The following AFG1L variants were observed in gnomAD, a reference collection of about 807,000 sequenced individuals.
AFG1L encodes AFG1 like ATPase.
Under a neutral mutation model 62.2 loss-of-function variants are expected in AFG1L, and 53 were observed. The observed-to-expected ratio is 0.85, with a 90% CI of 0.68 to 1.07. AFG1L has a LOEUF of 1.07. Among genes scored for constraint, AFG1L ranks in the 50% least tolerant of loss-of-function variants. AFG1L has a pLI of 0.00. For missense variants in AFG1L, 555 were observed against 590.5 expected (o/e 0.94, Z 0.62); for synonymous variants, 228 against 210.3 (o/e 1.08, Z -0.73).
intron 10 of AFG1L, among the ~76,000 whole-genome samples, chr6:108,500,431 C>T (rs1774149590): frequency 6.6e-6 from 1 of 152,108 alleles, no homozygotes. Flanking sequence ...CTGTGTATCA[C>T]ACAAAGGATA....
At chr6:108,474,928 AT>A (rs1366463999) in intron 8 of AFG1L, among the ~76,000 whole-genome samples, 1 of 152,144 alleles carries the variant, frequency 6.6e-6, no homozygotes, top group Non-Finnish European at 1.5e-5. Context: ...CTTCATTGCA[AT>A]TGCTTTTGGT....
At chr6:108,456,188 C>A (rs1213088243) in intron 8 of AFG1L, among the ~76,000 whole-genome samples, 2 of 151,946 alleles carry the variant, frequency 1.3e-5, no homozygotes, top group Non-Finnish European at 2.9e-5. Context: ...ATGAAATGAA[C>A]CTCATTATTC....
rs368238501 is a variant in AFG1L at position 108,476,895 on chromosome 6, G to A, written c.921G>A (p.Met307Ile). 1.4e-5 allele frequency: 22 copies of A among 1,613,922 alleles called. No individual in the cohort carries two copies. The African/African-American group carries it at 2.7e-4, about 20-fold the overall frequency. ...GTGAAGCTGATGTGGAGGCTGTCATGGATAAGTTGTTTGATGAGCTGGCTC... is the reference window on the plus strand; with the variant it reads ...GTGAAGCTGATGTGGAGGCTGTCATAGATAAGTTGTTTGATGAGCTGGCTC... ...LTSEADVEAV[M>I]DKLFDELAQK... Residue 307 changes from methionine to isoleucine, a missense_variant, in exon 9 of 13, where the codon ATG becomes ATA. Transcript: ENST00000368977.
chr6:108,498,395 T>G (rs1300388283), intron 10 of AFG1L, among the ~76,000 whole-genome samples: 3 of 152,230 alleles, frequency 2.0e-5, no homozygotes, highest in Non-Finnish European at 4.4e-5. Flanking sequence ...TATCATAATT[T>G]AGTTCTAGAG....
intron 2 of AFG1L, among the ~76,000 whole-genome samples, chr6:108,340,575 G>T (rs924349528): frequency 1.3e-5 from 2 of 152,008 alleles, no homozygotes; most frequent in Non-Finnish European, 2.9e-5. Flanking sequence ...ATGTTGGTCA[G>T]GCTGGTCTCG....
At chr6:108,323,754 C>A in intron 1 of AFG1L, 71 bp from the exon 2 acceptor site, 1 of 1,089,194 alleles carries the variant, frequency 9.2e-7, no homozygotes, top group Non-Finnish European at 1.4e-6. Context: ...TGAATTTGAC[C>A]CTTAAGAAAT....
chr6:108,447,096 A>G (rs991921338), intron 7 of AFG1L, 118 bp from the exon 8 acceptor site: 11 of 460,034 alleles, frequency 2.4e-5, no homozygotes, highest in African/African-American at 2.2e-4. Context: ...TTGTCATCTC[A>G]TTATATTAGT....
intron 1 of AFG1L, among the ~76,000 whole-genome samples, chr6:108,300,408 C>T (rs1235347232): frequency 1.3e-5 from 2 of 152,078 alleles, no homozygotes; most frequent in African/African-American, 2.4e-5. Flanking sequence ...CAACTTGGAC[C>T]CCCAAAGTGC....
chr6:108,344,162 G>C (rs1299126504), intron 2 of AFG1L, among the ~76,000 whole-genome samples: 1 of 152,136 alleles, frequency 6.6e-6, no homozygotes, highest in Non-Finnish European at 1.5e-5. Flanking sequence ...TGCCCAGGCT[G>C]GGTGCAGTGG....
At chr6:108,297,858 CAAAAA>C (rs774320900) in intron 1 of AFG1L, among the ~76,000 whole-genome samples, 1 of 45,124 alleles carries the variant, frequency 2.2e-5, no homozygotes. Context: ...GAACCTGTCT[CAAAAA>C]AAAAAAAAAA....
chr6:108,353,457 G>C (rs1365830029), intron 3 of AFG1L, among the ~76,000 whole-genome samples: 1 of 152,050 alleles, frequency 6.6e-6, no homozygotes, highest in Admixed American at 6.6e-5. Flanking sequence ...CACTTGGCCT[G>C]TGTTTAATTT....
chr6:108,424,635 A>AAT (rs1770735819), intron 7 of AFG1L, among the ~76,000 whole-genome samples: 1 of 152,068 alleles, frequency 6.6e-6, no homozygotes, highest in South Asian at 2.1e-4. Flanking sequence ...GATATATTGT[A>AAT]ATATATATAA....
chr6:108,326,321 C>T (rs958316567), intron 2 of AFG1L, among the ~76,000 whole-genome samples: 1 of 152,214 alleles, frequency 6.6e-6, no homozygotes, highest in Non-Finnish European at 1.5e-5. Flanking sequence ...ATCCTCCTGC[C>T]TCAGCCTCTA....
chr6:108,410,897 C>T (rs1204566731), intron 7 of AFG1L, among the ~76,000 whole-genome samples: 4 of 152,134 alleles, frequency 2.6e-5, no homozygotes, highest in Non-Finnish European at 5.9e-5. Flanking sequence ...GCCTTTCCAA[C>T]TGAGGTATCG....
chr6:108,347,057 A>C lies in AFG1L; in HGVS notation c.415+18A>C, dbSNP rs745409519. The C allele has an allele frequency of 4.3e-6, 7 of 1,610,294 alleles. No individual in the cohort carries two copies. In the African/African-American group the frequency reaches 9.4e-5, roughly 22 times the overall value. On this transcript the variant is annotated intron_variant, in intron 3 of 12. Coordinates refer to ENST00000368977, the MANE Select transcript of AFG1L (RefSeq NM_145315.5). ...AGATGTTGGTAAGTGTGTTAAAATA[A>C]GTTTTGGGTGGGCAAAACAGAAAGT...
At chr6:108,303,770 A>G (rs1777098531) in intron 1 of AFG1L, among the ~76,000 whole-genome samples, 1 of 152,184 alleles carries the variant, frequency 6.6e-6, no homozygotes, top group African/African-American at 2.4e-5. Flanking sequence ...CCATTTTGAA[A>G]TTCTCATTTA....
intron 7 of AFG1L, among the ~76,000 whole-genome samples, chr6:108,422,209 T>C (rs1770622084): frequency 6.6e-6 from 1 of 151,986 alleles, no homozygotes; most frequent in African/African-American, 2.4e-5. Flanking sequence ...AGTTAAAACA[T>C]AGGTTTGAGA....
intron 7 of AFG1L, among the ~76,000 whole-genome samples, chr6:108,405,785 A>G (rs1781825860): frequency 6.6e-6 from 1 of 152,028 alleles, no homozygotes; most frequent in South Asian, 2.1e-4. Flanking sequence ...ATAACCACCC[A>G]TTGTCCCCCT....
At chr6:108,351,564 G>T (rs892220914) in intron 3 of AFG1L, among the ~76,000 whole-genome samples, 16 of 151,828 alleles carry the variant, frequency 1.1e-4, no homozygotes, top group Non-Finnish European at 1.9e-4. Context: ...ATTTCTTTTT[G>T]CTGCCTCCTT....
Sources: allele counts gnomAD v4.1 joint callset (sites outside exome capture counted in the v4.1 genomes callset), GRCh38; gene constraint gnomAD v4.1.1; transcripts MANE v1.5; gene names NCBI Gene and HGNC (gene_info 2026-07-23, HGNC 2026-07-21).